The following NCOA2 variants were observed in gnomAD, a reference collection of about 807,000 sequenced individuals.
The protein encoded by NCOA2 is nuclear receptor coactivator 2.
NCOA2 carries 21 observed loss-of-function variants against 145.1 expected under a neutral mutation model. The observed-to-expected ratio is 0.14, with a 90% CI of 0.10 to 0.21. The LOEUF (loss-of-function observed/expected upper bound fraction) is 0.21, where lower values mean the gene tolerates loss of function less well. Among genes scored for constraint, NCOA2 ranks in the 10% least tolerant of loss-of-function variants. The pLI is 1.00. For synonymous variants in NCOA2, 619 were observed against 637.5 expected (o/e 0.97, Z 0.44); for missense variants, 1,472 against 1,837.6 (o/e 0.80, Z 3.64).
chr8:70,350,950 C>T (rs1809121225), intron 1 of NCOA2, among the ~76,000 whole-genome samples: 1 of 152,146 alleles, frequency 6.6e-6, no homozygotes, highest in African/African-American at 2.4e-5. Flanking sequence ...GCAGGGAAGT[C>T]CAATATCAAG....
chr8:70,278,905 G>A (rs1054565998), intron 2 of NCOA2, among the ~76,000 whole-genome samples: 6 of 151,550 alleles, frequency 4.0e-5, no homozygotes, highest in African/African-American at 1.2e-4. Context: ...GGCAGACACT[G>A]CAGTGAACCG....
chr8:70,160,663 G>GAGAGAGAGAGAGAGAGAA (rs1812847417), intron 9 of NCOA2, among the ~76,000 whole-genome samples: 1 of 141,128 alleles, frequency 7.1e-6, no homozygotes, highest in African/African-American at 2.9e-5. Context: ...GAGAGACAGA[G>GAGAGAGAGAGAGAGAGAA]AGAGAGAGAG....
intron 1 of NCOA2, among the ~76,000 whole-genome samples, chr8:70,348,987 G>A (rs961888524): frequency 7.2e-6 from 1 of 139,248 alleles, no homozygotes; most frequent in African/African-American, 2.6e-5. Flanking sequence ...GGAAAAAATT[G>A]AAAATGTGGG....
chr8:70,258,706 G>A (rs1348757022), intron 2 of NCOA2, among the ~76,000 whole-genome samples: 1 of 151,936 alleles, frequency 6.6e-6, no homozygotes, highest in Non-Finnish European at 1.5e-5. Flanking sequence ...CTCATGCCAG[G>A]TCTCTCCCTT....
At chr8:70,237,509 T>C (rs1821737318) in intron 2 of NCOA2, among the ~76,000 whole-genome samples, 1 of 151,756 alleles carries the variant, frequency 6.6e-6, no homozygotes, top group Non-Finnish European at 1.5e-5. Flanking sequence ...ATGCCTGTAA[T>C]CCCAACACTT....
intron 2 of NCOA2, among the ~76,000 whole-genome samples, chr8:70,239,538 T>A (rs1023239169): frequency 6.6e-6 from 1 of 152,136 alleles, no homozygotes; most frequent in Non-Finnish European, 1.5e-5. Flanking sequence ...CCTGCTGATA[T>A]AAGGCAGCTT....
chr8:70,351,585 CT>C (rs1047480214), intron 1 of NCOA2, among the ~76,000 whole-genome samples: 1 of 145,888 alleles, frequency 6.9e-6, no homozygotes, highest in Non-Finnish European at 1.5e-5. Context: ...TTCACCTTTT[CT>C]TTTTTTCCTT....
intron 2 of NCOA2, among the ~76,000 whole-genome samples, chr8:70,223,693 G>T (rs1319815676): frequency 6.6e-6 from 1 of 152,116 alleles, no homozygotes; most frequent in African/African-American, 2.4e-5. Context: ...TTTAGTTCCT[G>T]TAACAGCCTG....
rs147298868 is a variant in NCOA2 at position 70,229,757 on chromosome 8, T to C, written c.-19-12993A>G. Among the ~76,000 whole-genome samples, 132 of 152,322 alleles carry C rather than the reference T, an allele frequency of 8.7e-4. 1 individual carries two copies. The highest frequency in any genetic ancestry group is 3.1e-3 in the African/African-American group (128 of 41,568). ...CTGTCAGAAATGCACTCTCTGGCTC[T>C]GACCAGACCTGCTGAAAGGAGACTT... is the stretch of plus-strand genomic sequence containing the variant. On this transcript the variant is annotated intron_variant, in intron 2 of 22. Transcript: ENST00000452400.
At chr8:70,130,801 T>A (rs1275370510) in intron 16 of NCOA2, among the ~76,000 whole-genome samples, 1 of 152,190 alleles carries the variant, frequency 6.6e-6, no homozygotes, top group African/African-American at 2.4e-5. Context: ...TAAAGATGAT[T>A]CATGCTAAGT....
chr8:70,306,410 G>A (rs1748306871), intron 1 of NCOA2, among the ~76,000 whole-genome samples: 1 of 152,148 alleles, frequency 6.6e-6, no homozygotes, highest in Non-Finnish European at 1.5e-5. Flanking sequence ...ACATGAAAAG[G>A]TGTGAAAGGG....
In NCOA2 at chr8:70,189,397, A is replaced by T. The variant is rs149698164; in HGVS notation, c.260-14538T>A. On this transcript the variant is annotated intron_variant, in intron 4 of 22. Transcript: ENST00000452400. ...AATCGTCTTATTTGATCTAGATCTC[A>T]GAACTCCCTCAAGATTGTCCAGTCT... Among the ~76,000 whole-genome samples the T allele has an allele frequency of 8.7e-4, 132 of 152,324 alleles. No homozygotes were observed. The East Asian group carries it at 0.02, about 23-fold the overall frequency.
intron 4 of NCOA2, among the ~76,000 whole-genome samples, chr8:70,206,396 G>C (rs984759061): frequency 2.6e-5 from 4 of 151,966 alleles, no homozygotes; most frequent in African/African-American, 4.8e-5. Context: ...AAAAATAAAT[G>C]AAAGCTTATT....
chr8:70,172,653 G>A (rs1814385430), intron 5 of NCOA2, among the ~76,000 whole-genome samples: 1 of 152,138 alleles, frequency 6.6e-6, no homozygotes, highest in Non-Finnish European at 1.5e-5. Context: ...GCACTCAGGA[G>A]GTTAGGTGAT....
upstream of NCOA2, among the ~76,000 whole-genome samples, chr8:70,407,540 G>A (rs1814802202): frequency 6.6e-6 from 1 of 151,948 alleles, no homozygotes. Context: ...TGTAATCACA[G>A]CACTTTGGGA....
rs1290665371 is a variant in NCOA2, at chr8:70,126,922, C to T, written c.3807G>A (p.Gly1269=). 3 of 1,613,992 alleles carry T rather than the reference C, an allele frequency of 1.9e-6. No homozygotes were observed. The highest frequency in any genetic ancestry group is 2.5e-6 in the Non-Finnish European group (3 of 1,179,888). Residue 1269 remains glycine (G), a synonymous_variant, in exon 19 of 23, where the codon GGG becomes GGA. Transcript: ENST00000452400. The part of the protein sequence containing the change: ...QQRTLMMRGQ[G]LNMTPSMVAP... Reference sequence around the variant, plus strand: ...CCACCATGCTTGGTGTCATATTCAACCCTTGTCCTCTCATCATCAAAGTTC... The same window carrying T: ...CCACCATGCTTGGTGTCATATTCAATCCTTGTCCTCTCATCATCAAAGTTC...
chr8:70,395,981 G>A (rs1437082055), intron 1 of NCOA2, among the ~76,000 whole-genome samples: 1 of 152,218 alleles, frequency 6.6e-6, no homozygotes, highest in Non-Finnish European at 1.5e-5. Flanking sequence ...AGAGTTCCCT[G>A]AAAGCTCTCC....
At chr8:70,311,198 A>T (rs1054446888) in intron 1 of NCOA2, among the ~76,000 whole-genome samples, 1 of 151,848 alleles carries the variant, frequency 6.6e-6, no homozygotes, top group African/African-American at 2.4e-5. Context: ...AAGAAAAAAA[A>T]TGTTTTCAAA....
intron 9 of NCOA2, among the ~76,000 whole-genome samples, chr8:70,160,811 T>C (rs1812900639): frequency 6.6e-6 from 1 of 152,250 alleles, no homozygotes; most frequent in Admixed American, 6.5e-5. Context: ...GGTTTCACTT[T>C]CTGCCATCAA....
Sources: allele counts gnomAD v4.1 joint callset (sites outside exome capture counted in the v4.1 genomes callset), GRCh38; gene constraint gnomAD v4.1.1; transcripts MANE v1.5; gene names NCBI Gene and HGNC (gene_info 2026-07-23, HGNC 2026-07-21).